The following PALM2AKAP2 variants were observed in gnomAD, a reference collection of about 807,000 sequenced individuals.
The protein encoded by PALM2AKAP2 is PALM2-AKAP2 fusion protein.
In PALM2AKAP2, 37 loss-of-function variants were observed where a neutral mutation model predicts 71.5. That is an observed-to-expected ratio of 0.52 (90% CI 0.40 to 0.68). The LOEUF (loss-of-function observed/expected upper bound fraction) is 0.68. PALM2AKAP2 is among the 30% of genes least tolerant of loss of function. The probability of loss-of-function intolerance (pLI) is 0.00; values close to 1 mark genes in which losing one functional copy is unlikely to be tolerated. For synonymous variants in PALM2AKAP2, 468 were observed against 478.8 expected, an observed-to-expected ratio of 0.98 and a Z score of 0.29; for missense variants, 1,224 against 1,191.8, an observed-to-expected ratio of 1.03 and a Z score of -0.40.
chr9:109,828,762 A>G (rs544813441), intron 1 of PALM2AKAP2, among the ~76,000 whole-genome samples: 31 of 152,392 alleles, frequency 2.0e-4, no homozygotes, highest in African/African-American at 7.5e-4. Flanking sequence ...ACTGACATGA[A>G]TAAATGAATT....
chr9:110,011,799 G>T (rs1832888631), intron 6 of PALM2AKAP2, among the ~76,000 whole-genome samples: 1 of 152,090 alleles, frequency 6.6e-6, no homozygotes, highest in South Asian at 2.1e-4. Context: ...TTCTCCGGGA[G>T]CTCCCATGGG....
chr9:109,839,856 A>C (rs1249311639), intron 1 of PALM2AKAP2, among the ~76,000 whole-genome samples: 1 of 152,222 alleles, frequency 6.6e-6, no homozygotes, highest in Non-Finnish European at 1.5e-5. Context: ...TGCTCAACGA[A>C]ATAGAAGAGG....
chr9:109,991,701 C>T (rs186335043), intron 6 of PALM2AKAP2, among the ~76,000 whole-genome samples: 152 of 152,332 alleles, frequency 1.0e-3, no homozygotes, highest in African/African-American at 3.6e-3. Context: ...GCTTGTGCAA[C>T]GTAGCTCTGG....
intron 6 of PALM2AKAP2, among the ~76,000 whole-genome samples, chr9:109,981,799 G>A (rs1792827974): frequency 1.3e-5 from 2 of 151,886 alleles, no homozygotes; most frequent in Admixed American, 6.6e-5. Context: ...TAAAAAACAC[G>A]CAATAACAAA....
chr9:110,028,997 A>G (rs867612065), intron 7 of PALM2AKAP2, among the ~76,000 whole-genome samples: 1 of 151,098 alleles, frequency 6.6e-6, no homozygotes, highest in Non-Finnish European at 1.5e-5. Context: ...AATGTATTTT[A>G]TTAAGCTTTA....
At chr9:109,847,159 CT>C (rs766865200) in intron 1 of PALM2AKAP2, among the ~76,000 whole-genome samples, 12 of 152,092 alleles carry the variant, frequency 7.9e-5, no homozygotes, top group Admixed American at 2.0e-4. Flanking sequence ...AATTAGGAAT[CT>C]TGAGATGCAG....
chr9:109,931,989 GA>G lies in PALM2AKAP2; in HGVS notation c.459del (p.Glu153AspfsTer22). On this transcript the variant is annotated frameshift_variant, in exon 6 of 10. Transcript: ENST00000302798. LOFTEE classifies it high-confidence loss of function. ...GCCAATCCTCTGTTCACGAACAGCAGAACCATCACCTGGGCAGGACGGGACC... is the reference window on the plus strand; with the variant it reads ...GCCAATCCTCTGTTCACGAACAGCAGACCATCACCTGGGCAGGACGGGACC... 1 of 1,614,092 alleles carries G rather than the reference GA, an allele frequency of 6.2e-7. No homozygotes were observed. Among genetic ancestry groups the G allele is most frequent in the Non-Finnish European group, 8.5e-7 (1 of 1,179,952 alleles).
chr9:110,069,513 C>T lies in PALM2AKAP2; in HGVS notation c.156+20658C>T, dbSNP rs80034690. On this transcript the variant is annotated intron_variant, in intron 1 of 3. Coordinates refer to ENST00000374525, the Ensembl canonical transcript of PALM2AKAP2. ...GGCTTGTTAATGTGGTTAATTGAAA[C>T]CCTTCCATATTCTTGATGGGGCAGA... 7.5e-3 allele frequency among the ~76,000 whole-genome samples: 1,136 copies of T among 152,174 alleles called. 12 individuals carry two copies. Among genetic ancestry groups the T allele is most frequent in the African/African-American group, 0.026 (1,066 of 41,550 alleles).
intron 3 of PALM2AKAP2, among the ~76,000 whole-genome samples, chr9:110,163,972 G>A (rs534114422): frequency 6.6e-6 from 1 of 152,228 alleles, no homozygotes; most frequent in East Asian, 1.9e-4. Context: ...CAAGTTGGTT[G>A]CATTAACCTG....
rs117155871 is a variant in PALM2AKAP2 at position 110,155,638 on chromosome 9, A to G, written c.2570-681A>G. On this transcript the variant is annotated intron_variant, in intron 2 of 3. Transcript: ENST00000374525. ...TTTTCCATTGCCTTTGTTGGTGTAC[A>G]CTTCTTAAGGTCTGGGAGGCCTCAA... Among the ~76,000 whole-genome samples the G allele has an allele frequency of 1.8e-3, 280 of 152,292 alleles. 1 individual carries two copies. Among genetic ancestry groups the G allele is most frequent in the Middle Eastern group, 0.014 (4 of 294 alleles).
intron 1 of PALM2AKAP2, among the ~76,000 whole-genome samples, chr9:109,644,961 GTCT>G: frequency 6.6e-6 from 1 of 152,278 alleles, no homozygotes; most frequent in African/African-American, 2.4e-5. Context: ...ACATTTTCCT[GTCT>G]TCTTCTGAGC....
intron 6 of PALM2AKAP2, among the ~76,000 whole-genome samples, chr9:110,006,370 C>CTTTCTTTCTTT (rs778951404): frequency 6.0e-5 from 7 of 116,564 alleles, no homozygotes; most frequent in African/African-American, 2.3e-4. Flanking sequence ...TTCTTTCTTT[C>CTTTCTTTCTTT]TTCTCTCTTT....
At chr9:109,794,568 C>A (rs13286006) in intron 1 of PALM2AKAP2, among the ~76,000 whole-genome samples, 27,055 of 151,928 alleles carry the variant, frequency 0.18, 2,690 homozygotes, top group East Asian at 0.31. Context: ...GCCAGCCTTC[C>A]CTGTTCAGTT....
chr9:109,976,637 T>A (rs924380757), intron 6 of PALM2AKAP2, among the ~76,000 whole-genome samples: 2 of 152,226 alleles, frequency 1.3e-5, no homozygotes, highest in Non-Finnish European at 2.9e-5. Flanking sequence ...TGTGTTGCCC[T>A]AAAATCAGAA....
intron 6 of PALM2AKAP2, among the ~76,000 whole-genome samples, chr9:109,939,534 T>A (rs1011001437): frequency 6.6e-6 from 1 of 152,244 alleles, no homozygotes; most frequent in African/African-American, 2.4e-5. Context: ...TGCAGAATAA[T>A]AAGATATTGT....
At chr9:110,067,687 C>T (rs1834111962) in intron 1 of PALM2AKAP2, among the ~76,000 whole-genome samples, 1 of 152,180 alleles carries the variant, frequency 6.6e-6, no homozygotes, top group African/African-American at 2.4e-5. Flanking sequence ...AAGGTCTCAA[C>T]TTTCTTTCGG....
chr9:109,925,940 C>T (rs2131968284), intron 5 of PALM2AKAP2, among the ~76,000 whole-genome samples: 1 of 152,262 alleles, frequency 6.6e-6, no homozygotes, highest in East Asian at 1.9e-4. Context: ...GGTGTGGTGG[C>T]TCAGGTCTGT....
At chr9:110,021,510 G>A (rs1394878197) in intron 7 of PALM2AKAP2, among the ~76,000 whole-genome samples, 10 of 152,178 alleles carry the variant, frequency 6.6e-5, no homozygotes, top group Admixed American at 6.5e-4. Context: ...CTTCTTGAGT[G>A]CAAATGCCAT....
intron 1 of PALM2AKAP2, among the ~76,000 whole-genome samples, chr9:110,109,213 A>G (rs1446008057): frequency 6.7e-6 from 1 of 150,224 alleles, no homozygotes; most frequent in Non-Finnish European, 1.5e-5. Flanking sequence ...GCTAGTCAGA[A>G]GGCTGAGGCA....
Sources: gnomAD v4.1 joint callset for allele counts (sites outside exome capture counted in the v4.1 genomes callset) on GRCh38, gnomAD v4.1.1 for gene constraint, MANE v1.5 for transcripts, NCBI Gene and HGNC (gene_info 2026-07-23, HGNC 2026-07-21) for gene names.